Variants in DCAF7 observed in about 807,000 individuals in gnomAD.
The protein encoded by DCAF7 is DDB1- and CUL4-associated factor 7.
In DCAF7, 4 loss-of-function variants were observed where a neutral mutation model predicts 41.2. That is an observed-to-expected ratio of 0.10 (90% CI 0.05 to 0.22). The LOEUF (loss-of-function observed/expected upper bound fraction) is 0.22, where lower values mean the gene tolerates loss of function less well. Ranked by LOEUF, DCAF7 falls within the 10% of genes least tolerant of loss-of-function variation. DCAF7 has a pLI of 1.00. For synonymous variants in DCAF7, 143 were observed against 164.2 expected (o/e 0.87, Z 0.99); for missense variants, 131 against 443.2 (o/e 0.30, Z 6.32).
At position 63,589,343 on chromosome 17, in the gene DCAF7, C is replaced by T; in HGVS notation, c.*171C>T. The T allele has an allele frequency of 1.2e-6, 1 of 862,760 alleles. No individual in the cohort carries two copies. The highest frequency in any genetic ancestry group is 1.9e-6 in the Non-Finnish European group (1 of 533,680). The allele number at this position is 862,760 out of a possible 1,614,324, so 53.4% of individuals were successfully genotyped here. ...TCCTGGCCAGTCACCCCATCGCCCT[C>T]TGTGGCAGACTCAGTGCTGTGTGGC... On this transcript the variant is annotated 3_prime_UTR_variant, in exon 7 of 7. Coordinates refer to ENST00000614556, the MANE Select transcript of DCAF7 (RefSeq NM_005828.5).
chr17:63,564,175 A>G (rs2033416533), intron 1 of DCAF7, among the ~76,000 whole-genome samples: 1 of 151,870 alleles, frequency 6.6e-6, no homozygotes, highest in Non-Finnish European at 1.5e-5. Flanking sequence ...ACACATATAT[A>G]CACACACACC....
intron 1 of DCAF7, among the ~76,000 whole-genome samples, chr17:63,558,061 AT>A (rs1380877939): frequency 1.3e-5 from 2 of 151,684 alleles, no homozygotes; most frequent in Admixed American, 6.6e-5. Context: ...ACGCCCGCTA[AT>A]TTTTGTATTT....
chr17:63,588,034 G>A (rs540221016), intron 6 of DCAF7, among the ~76,000 whole-genome samples: 1 of 150,558 alleles, frequency 6.6e-6, no homozygotes, highest in East Asian at 1.9e-4. Context: ...AATCACTTAG[G>A]AACTAGAGAA....
At position 63,579,737 on chromosome 17, in the gene DCAF7, C is replaced by G. The variant is rs1409716002; in HGVS notation, c.410-88C>G. Reference sequence around the variant, plus strand: ...TGTAGTCTTTATGGTATGCTGCTCCCTGGGCTGAGCAGATGAGTAAACACA... The same window carrying G: ...TGTAGTCTTTATGGTATGCTGCTCCGTGGGCTGAGCAGATGAGTAAACACA... On this transcript the variant is annotated intron_variant, in intron 3 of 6. Coordinates refer to ENST00000614556, the MANE Select transcript of DCAF7 (RefSeq NM_005828.5). 6 of 1,151,994 alleles carry G rather than the reference C, an allele frequency of 5.2e-6. No individual in the cohort carries two copies. In the East Asian group the frequency reaches 1.5e-4, roughly 28 times the overall value. The allele number at this position is 1,151,994 out of a possible 1,614,324, so 71.4% of individuals were successfully genotyped here.
Position 63,579,384 on chromosome 17 carries a change from G to T in DCAF7, c.345G>T (p.Lys115Asn). ...TRLECLLNNN[K>N]NSDFCAPLTS... is the part of the protein sequence containing the mutation. ...TGGAGTGTTTGCTAAACAATAATAA[G>T]AACTCTGATTTCTGTGCTCCCCTGA... is the stretch of plus-strand genomic sequence containing the variant. Residue 115 changes from lysine to asparagine, a missense_variant, in exon 3 of 7, where the codon AAG (lysine) becomes AAT (asparagine). Physicochemically the swap from Lys to Asn is moderately conservative, Grantham distance 94 (BLOSUM62 0). Transcript: ENST00000614556. The T allele has an allele frequency of 6.2e-7, 1 of 1,610,124 alleles. No homozygotes were observed. Among genetic ancestry groups the T allele is most frequent in the South Asian group, 1.1e-5 (1 of 89,958 alleles).
intron 1 of DCAF7, among the ~76,000 whole-genome samples, chr17:63,569,363 C>A (rs1487334745): frequency 3.3e-5 from 5 of 150,116 alleles, no homozygotes; most frequent in Non-Finnish European, 4.4e-5. Context: ...TTGGAATAAC[C>A]TATGGAGCTC....
chr17:63,564,174 TAC>T (rs1158786570), intron 1 of DCAF7, among the ~76,000 whole-genome samples: 2 of 122,990 alleles, frequency 1.6e-5, no homozygotes, highest in African/African-American at 5.6e-5. Flanking sequence ...TACACATATA[TAC>T]ACACACACCT....
chr17:63,572,488 T>C (rs1025574987), intron 1 of DCAF7, among the ~76,000 whole-genome samples: 1 of 152,182 alleles, frequency 6.6e-6, no homozygotes, highest in Non-Finnish European at 1.5e-5. Flanking sequence ...GTAGAAAGTC[T>C]TGTTAGGCTA....
At chr17:63,558,849 A>C (rs893330021) in intron 1 of DCAF7, among the ~76,000 whole-genome samples, 1 of 152,344 alleles carries the variant, frequency 6.6e-6, no homozygotes, top group East Asian at 1.9e-4. Context: ...ACATTGTCAA[A>C]AAACTTCTGA....
intron 1 of DCAF7, among the ~76,000 whole-genome samples, chr17:63,564,662 G>T (rs1430716713): frequency 6.6e-6 from 1 of 152,216 alleles, no homozygotes; most frequent in Non-Finnish European, 1.5e-5. Context: ...ATTCTGAGGA[G>T]GCCAATTTGC....
chr17:63,572,171 A>ATGTTCTATG (rs2033514577), intron 1 of DCAF7, among the ~76,000 whole-genome samples: 1 of 152,212 alleles, frequency 6.6e-6, no homozygotes, highest in Non-Finnish European at 1.5e-5. Context: ...TATATTGAGT[A>ATGTTCTATG]AGACAGTTCT....
At position 63,559,081 on chromosome 17, in the gene DCAF7, G is replaced by A. The variant is rs569302335; in HGVS notation, c.138+8266G>A. 5.3e-5 allele frequency among the ~76,000 whole-genome samples: 8 copies of A among 151,738 alleles called. No individual in the cohort carries two copies. The South Asian group carries it at 1.7e-3, about 32-fold the overall frequency. ...AATTCCAGCACTTTGGGAGGCGGGG[G>A]CAGGCAGATCACGAGGTCAGGAGTT... On this transcript the variant is annotated intron_variant, in intron 1 of 6. Transcript: ENST00000614556.
chr17:63,559,492 AT>A (rs1235190957), intron 1 of DCAF7, among the ~76,000 whole-genome samples: 1 of 147,960 alleles, frequency 6.8e-6, no homozygotes, highest in Non-Finnish European at 1.5e-5. Flanking sequence ...AGAAAAAAAA[AT>A]TGGATCTCTA....
At chr17:63,569,043 A>G (rs2033476465) in intron 1 of DCAF7, among the ~76,000 whole-genome samples, 1 of 152,184 alleles carries the variant, frequency 6.6e-6, no homozygotes. Context: ...CTTGGCTATT[A>G]TTTGATGTCA....
At chr17:63,587,348 T>C (rs1393881612) in intron 6 of DCAF7, among the ~76,000 whole-genome samples, 1 of 140,310 alleles carries the variant, frequency 7.1e-6, no homozygotes, top group African/African-American at 2.7e-5. Context: ...TTCCCAGGGG[T>C]GTGGATAGGG....
At position 63,589,963 on chromosome 17, in the gene DCAF7, G is replaced by A. The variant is rs2033717546; in HGVS notation, c.*791G>A. On this transcript the variant is annotated 3_prime_UTR_variant, in exon 7 of 7. Transcript: ENST00000614556. Reference sequence around the variant, plus strand: ...ATAGGAAGCCTCTGTTTACCCTGAAGCACCACTGTCCAGCCCATTGGTTCC... The same window carrying A: ...ATAGGAAGCCTCTGTTTACCCTGAAACACCACTGTCCAGCCCATTGGTTCC... The A allele has an allele frequency of 6.5e-6, 1 of 152,710 alleles. No homozygotes were observed. 9.5% of individuals were successfully genotyped at this position (152,710 alleles called of 1,614,324 possible).
chr17:63,591,864 A>C lies in DCAF7; in HGVS notation c.*2692A>C, dbSNP rs2033736917. On this transcript the variant is annotated 3_prime_UTR_variant, in exon 7 of 7. Transcript: ENST00000614556. ...TGGAGGCTCCGCCAGGCTGTGGCCC[A>C]GCTGGTGATGGCCCTTTTGCTCCTG... 6.6e-6 allele frequency: 1 copy of C among 152,376 alleles called. No individual in the cohort carries two copies. The highest frequency in any genetic ancestry group is 1.5e-5 in the Non-Finnish European group (1 of 68,160). The allele number at this position is 152,376 out of a possible 1,614,324, so 9.4% of individuals were successfully genotyped here.
chr17:63,557,077 G>A (rs1325982314), intron 1 of DCAF7, among the ~76,000 whole-genome samples: 1 of 152,124 alleles, frequency 6.6e-6, no homozygotes, highest in Non-Finnish European at 1.5e-5. Flanking sequence ...GCTGTAGAAA[G>A]ATGCTATTAG....
intron 3 of DCAF7, 27 bp downstream of exon 3, chr17:63,579,475 C>T: frequency 6.5e-7 from 1 of 1,533,182 alleles, no homozygotes; most frequent in Non-Finnish European, 8.9e-7. Flanking sequence ...GTATGTATTT[C>T]AGCTGGAAGA....
Sources: allele counts gnomAD v4.1 joint callset (sites outside exome capture counted in the v4.1 genomes callset), GRCh38; gene constraint gnomAD v4.1.1; transcripts MANE v1.5; gene names NCBI Gene and HGNC (gene_info 2026-07-23, HGNC 2026-07-21).